Variants in ADAMTS18 observed in about 807,000 individuals in gnomAD.
The protein encoded by ADAMTS18 is A disintegrin and metalloproteinase with thrombospondin motifs 18.
A neutral mutation model predicts 165.9 loss-of-function variants in ADAMTS18; 157 were observed. That is an observed-to-expected ratio of 0.95 (90% CI 0.83 to 1.08). ADAMTS18 has a LOEUF of 1.08. ADAMTS18 is among the 50% of genes least tolerant of loss of function. The pLI is 0.00. For missense variants in ADAMTS18, 2,040 were observed against 1,534.0 expected (o/e 1.33, Z -5.51); for synonymous variants, 782 against 578.2 (o/e 1.35, Z -5.06).
chr16:77,327,137 G>A (rs2056108757), intron 12 of ADAMTS18, among the ~76,000 whole-genome samples: 1 of 152,144 alleles, frequency 6.6e-6, no homozygotes, highest in Admixed American at 6.5e-5. Flanking sequence ...TTGCTATCAC[G>A]ACTAGTGCTA....
At chr16:77,429,354 G>A (rs577338589) in intron 3 of ADAMTS18, among the ~76,000 whole-genome samples, 5 of 152,128 alleles carry the variant, frequency 3.3e-5, no homozygotes, top group African/African-American at 4.8e-5. Context: ...CAAATCCCAC[G>A]TTCTCACTTA....
At chr16:77,362,347 C>G (rs181898794) in intron 6 of ADAMTS18, 83 bp from the exon 7 acceptor site, 128 of 1,472,208 alleles carry the variant, frequency 8.7e-5, no homozygotes, top group Non-Finnish European at 1.1e-4. Flanking sequence ...CAGGCAAACA[C>G]AGAAACATAT....
chr16:77,308,660 C>G (rs1039031852), intron 16 of ADAMTS18, among the ~76,000 whole-genome samples: 2 of 151,784 alleles, frequency 1.3e-5, no homozygotes, highest in Non-Finnish European at 2.9e-5. Context: ...AGGCCTTTTC[C>G]ATATTGCTTA....
chr16:77,397,845 G>A (rs571455529), intron 3 of ADAMTS18, among the ~76,000 whole-genome samples: 3 of 152,290 alleles, frequency 2.0e-5, no homozygotes, highest in African/African-American at 7.2e-5. Context: ...AAGACAGTAA[G>A]CACCTTCCCT....
chr16:77,392,133 T>C (rs2057196174), intron 3 of ADAMTS18, among the ~76,000 whole-genome samples: 2 of 152,194 alleles, frequency 1.3e-5, no homozygotes, highest in African/African-American at 4.8e-5. Context: ...GATAATGCTC[T>C]GGGACAGAAG....
At chr16:77,348,434 C>T (rs961262296) in intron 10 of ADAMTS18, among the ~76,000 whole-genome samples, 1 of 152,176 alleles carries the variant, frequency 6.6e-6, no homozygotes, top group South Asian at 2.1e-4. Flanking sequence ...AGGCAACCTC[C>T]AGGGTGGCAG....
intron 22 of ADAMTS18, among the ~76,000 whole-genome samples, chr16:77,284,502 A>G (rs1184155118): frequency 1.3e-5 from 2 of 152,260 alleles, no homozygotes; most frequent in African/African-American, 4.8e-5. Context: ...CTACAGAACA[A>G]AGGTCTTGGG....
Position 77,282,628 on chromosome 16 carries a change from A to ATAAAG in ADAMTS18, c.*1323_*1327dup, listed in dbSNP as rs1162867198. 2 of 152,662 alleles carry ATAAAG rather than the reference A, an allele frequency of 1.3e-5. No individual in the cohort carries two copies. The highest frequency in any genetic ancestry group is 2.4e-5 in the African/African-American group (1 of 41,462). 9.5% of individuals were successfully genotyped at this position (152,662 alleles called of 1,614,324 possible). On this transcript the variant is annotated 3_prime_UTR_variant, in exon 23 of 23. Transcript: ENST00000282849. The stretch of plus-strand genomic sequence containing the variant: ...TTACATTCATCAAAGAAGTTGAGGA[A>ATAAAG]TAAAGTAGAATTTATGTAAATATGC...
chr16:77,293,156 G>A lies in ADAMTS18; in HGVS notation c.3109C>T (p.Pro1037Ser). Residue 1037 changes from proline to serine, a missense_variant, in exon 20 of 23, where the codon CCT (proline) becomes TCT (serine). Pro to Ser is a moderately conservative substitution (Grantham distance 74, BLOSUM62 -1). Transcript: ENST00000282849. ...PESQCTSLPR[P>S]ELQEGCVLGR... ...AGCACACAGCCCTCCTGCAGCTCAG[G>A]TCTGGGGAGACTGGTACACTGGCTC... 1.9e-6 allele frequency: 3 copies of A among 1,613,964 alleles called. No individual in the cohort carries two copies. The East Asian group carries it at 6.7e-5, about 36-fold the overall frequency.
At chr16:77,428,250 C>G (rs966484663) in intron 3 of ADAMTS18, among the ~76,000 whole-genome samples, 1 of 152,106 alleles carries the variant, frequency 6.6e-6, no homozygotes, top group African/African-American at 2.4e-5. Flanking sequence ...CATGTTAACT[C>G]GATGAGTCTC....
chr16:77,335,271 A>G (rs1236730042), intron 12 of ADAMTS18, among the ~76,000 whole-genome samples: 4 of 129,094 alleles, frequency 3.1e-5, no homozygotes, highest in African/African-American at 1.4e-4. Context: ...TGTGAGAGCT[A>G]AAAAAAAAAA....
At chr16:77,399,379 A>G (rs1212030713) in intron 3 of ADAMTS18, among the ~76,000 whole-genome samples, 1 of 152,188 alleles carries the variant, frequency 6.6e-6, no homozygotes, top group Non-Finnish European at 1.5e-5. Flanking sequence ...CCAGAGTTAG[A>G]ACTAGACACT....
rs2055164031 is a variant in ADAMTS18, at chr16:77,282,437, T to C, written c.*1519A>G. 2 of 152,258 alleles carry C rather than the reference T, an allele frequency of 1.3e-5. No individual in the cohort carries two copies. The highest frequency in any genetic ancestry group is 4.8e-5 in the African/African-American group (2 of 41,438). The allele number at this position is 152,258 out of a possible 1,614,324, so 9.4% of individuals were successfully genotyped here. A position where few individuals can be genotyped will look rare whatever the true frequency, so the allele number is the denominator to read the frequency against. On this transcript the variant is annotated 3_prime_UTR_variant, in exon 23 of 23. Coordinates refer to ENST00000282849, the MANE Select transcript of ADAMTS18 (RefSeq NM_199355.4). ...ACTTCTCTAGGCCAAGCCAAGCAGA[T>C]TGAGAGAAGTTCCTAAGCATTATTT...
intron 8 of ADAMTS18, 98 bp from the exon 9 acceptor site, chr16:77,356,175 C>A: frequency 1.3e-6 from 2 of 1,491,018 alleles, no homozygotes; most frequent in Non-Finnish European, 1.9e-6. Flanking sequence ...ATCAACAAAA[C>A]CAAGTGAGAG....
intron 18 of ADAMTS18, among the ~76,000 whole-genome samples, chr16:77,295,772 A>G (rs2055457917): frequency 6.6e-6 from 1 of 152,016 alleles, no homozygotes; most frequent in Non-Finnish European, 1.5e-5. Context: ...TTTCTTTAAA[A>G]TTTGCCAGAC....
At chr16:77,375,862 G>C (rs1010373266) in intron 3 of ADAMTS18, among the ~76,000 whole-genome samples, 4 of 150,922 alleles carry the variant, frequency 2.7e-5, no homozygotes, top group African/African-American at 9.7e-5. Context: ...AGAAGGCAAA[G>C]GGTTTTATGT....
Position 77,328,580 on chromosome 16 carries a change from T to C in ADAMTS18, c.1860-2542A>G, listed in dbSNP as rs182191853. Among the ~76,000 whole-genome samples, 36 of 152,306 alleles carry C rather than the reference T, an allele frequency of 2.4e-4. No individual in the cohort carries two copies. In the East Asian group the frequency reaches 6.0e-3, roughly 25 times the overall value. On this transcript the variant is annotated intron_variant, in intron 12 of 22. Transcript: ENST00000282849. ...CTTAAACATGCTGCAGCCATTGTGA[T>C]AAATCAAATCCCTGAAGACTTCTTA...
Position 77,404,067 on chromosome 16 carries a change from T to G in ADAMTS18, c.495+27228A>C, listed in dbSNP as rs576677096. ...TCCCTTCCTCCCTTTTCCTCTGCTT[T>G]CTGCAGAGTACAATATGAAAATTCT... On this transcript the variant is annotated intron_variant, in intron 3 of 22. Transcript: ENST00000282849. 2.7e-5 allele frequency among the ~76,000 whole-genome samples: 4 copies of G among 146,478 alleles called. No homozygotes were observed. The South Asian group carries it at 9.2e-4, about 34-fold the overall frequency.
chr16:77,291,601 C>G, intron 20 of ADAMTS18, 123 bp from the exon 21 acceptor site: 1 of 962,298 alleles, frequency 1.0e-6, no homozygotes, highest in Admixed American at 1.7e-5. Context: ...TACACAAGGT[C>G]AACCACACTC....
Sources: allele counts gnomAD v4.1 joint callset (sites outside exome capture counted in the v4.1 genomes callset), GRCh38; gene constraint gnomAD v4.1.1; transcripts MANE v1.5; gene names NCBI Gene and HGNC (gene_info 2026-07-23, HGNC 2026-07-21).